The following LPP variants were observed in gnomAD, a reference collection of about 807,000 sequenced individuals.
LPP encodes LIM domain containing preferred translocation partner in lipoma, also known as lipoma-preferred partner.
A neutral mutation model predicts 60.4 loss-of-function variants in LPP; 38 were observed. The ratio of observed to expected loss-of-function variants is 0.63; its 90% CI spans 0.49 to 0.83. LPP has a LOEUF of 0.83. Among genes scored for constraint, LPP ranks in the 40% least tolerant of loss-of-function variants. The pLI is 0.00. For missense variants in LPP, 902 were observed against 783.6 expected, an observed-to-expected ratio of 1.15 and a Z score of -1.80; for synonymous variants, 328 against 290.8, an observed-to-expected ratio of 1.13 and a Z score of -1.30.
At chr3:188,792,907 G>C (rs1744214941) in intron 9 of LPP, among the ~76,000 whole-genome samples, 1 of 152,076 alleles carries the variant, frequency 6.6e-6, no homozygotes, top group African/African-American at 2.4e-5. Context: ...CTCCTCACTG[G>C]TTTGCGTGAA....
intron 4 of LPP, among the ~76,000 whole-genome samples, chr3:188,460,242 A>T (rs986173189): frequency 5.3e-5 from 8 of 152,158 alleles, no homozygotes; most frequent in African/African-American, 1.9e-4. Flanking sequence ...TGGAGTGCAG[A>T]TATCAAGACT....
intron 7 of LPP, among the ~76,000 whole-genome samples, chr3:188,694,702 AAAAAAAAAT>A (rs1862845542): frequency 6.6e-6 from 1 of 151,298 alleles, no homozygotes; most frequent in African/African-American, 2.5e-5. Flanking sequence ...CATCTCAAAA[AAAAAAAAAT>A]AAATAAAAAC....
intron 1 of LPP, among the ~76,000 whole-genome samples, chr3:188,221,161 C>G (rs1560123248): frequency 6.6e-6 from 1 of 152,178 alleles, no homozygotes; most frequent in Non-Finnish European, 1.5e-5. Flanking sequence ...TAGTCACTTT[C>G]TCTGAGAACA....
chr3:188,431,344 C>G (rs1198716531), intron 4 of LPP, among the ~76,000 whole-genome samples: 3 of 151,994 alleles, frequency 2.0e-5, no homozygotes, highest in African/African-American at 4.8e-5. Context: ...GGATGAAAGA[C>G]GTGTAGTTGA....
chr3:188,503,728 T>C lies in LPP; in HGVS notation c.306+19024T>C, dbSNP rs538657506. 8.4e-4 allele frequency among the ~76,000 whole-genome samples: 128 copies of C among 152,028 alleles called. 1 individual carries two copies. The highest frequency in any genetic ancestry group is 2.9e-3 in the African/African-American group (121 of 41,454). On this transcript the variant is annotated intron_variant, in intron 5 of 11. Transcript: ENST00000617246. ...CAGATGTAGGATTCGTGGTTGATAA[T>C]TTTTTTTCCTTTTAGCACTTTGAAT...
chr3:188,498,579 T>G (rs1368530015), intron 5 of LPP, among the ~76,000 whole-genome samples: 2 of 152,232 alleles, frequency 1.3e-5, no homozygotes, highest in Non-Finnish European at 2.9e-5. Flanking sequence ...TTGGGTTCTT[T>G]CCCCATTTTA....
At chr3:188,858,718 C>A (rs1764415023) in intron 9 of LPP, among the ~76,000 whole-genome samples, 1 of 152,120 alleles carries the variant, frequency 6.6e-6, no homozygotes, top group African/African-American at 2.4e-5. Flanking sequence ...CAAATACAAA[C>A]AGAAAATTTT....
intron 4 of LPP, among the ~76,000 whole-genome samples, chr3:188,463,497 C>A (rs561965696): frequency 6.6e-6 from 1 of 152,258 alleles, no homozygotes; most frequent in South Asian, 2.1e-4. Context: ...ATTATATCTG[C>A]GTGCACGGTT....
chr3:188,454,558 T>C (rs931581135), intron 4 of LPP, among the ~76,000 whole-genome samples: 4 of 152,136 alleles, frequency 2.6e-5, no homozygotes, highest in African/African-American at 9.7e-5. Context: ...GGATGAGCTA[T>C]GTATTAGTTC....
intron 4 of LPP, among the ~76,000 whole-genome samples, chr3:188,410,923 A>T (rs1032486343): frequency 6.6e-6 from 1 of 152,110 alleles, no homozygotes; most frequent in African/African-American, 2.4e-5. Context: ...CCATTATATC[A>T]TTCTTATGCC....
At chr3:188,721,712 C>G (rs116585531) in intron 8 of LPP, among the ~76,000 whole-genome samples, 1 of 152,188 alleles carries the variant, frequency 6.6e-6, no homozygotes, top group African/African-American at 2.4e-5. Flanking sequence ...GTGTATAAAG[C>G]ATAATTTTTT....
chr3:188,406,327 T>C lies in LPP; in HGVS notation c.193+14T>C. The C allele has an allele frequency of 6.2e-7, 1 of 1,608,566 alleles. No individual in the cohort carries two copies. The highest frequency in any genetic ancestry group is 8.5e-7 in the Non-Finnish European group (1 of 1,176,726). On this transcript the variant is annotated intron_variant, in intron 4 of 11. Coordinates refer to ENST00000617246, the MANE Select transcript of LPP (RefSeq NM_001375462.1). Reference sequence around the variant, plus strand: ...CTGGAGGTGAGGGTAAGTGCTGGGATTTCAGAGTTGGTTACTTGGAGTAGG... The same window carrying C: ...CTGGAGGTGAGGGTAAGTGCTGGGACTTCAGAGTTGGTTACTTGGAGTAGG...
chr3:188,701,944 CTTTTTTTTTTTT>C (rs35803152), intron 7 of LPP, among the ~76,000 whole-genome samples: 1 of 83,550 alleles, frequency 1.2e-5, no homozygotes, highest in African/African-American at 5.0e-5. Flanking sequence ...GTTTTTTTCC[CTTTTTTTTTTTT>C]TTTTTTTTTT....
rs1028295942 is a variant in LPP at position 188,251,911 on chromosome 3, C to G, written c.-67+26384C>G. On this transcript the variant is annotated intron_variant, in intron 2 of 11. Coordinates refer to ENST00000617246, the MANE Select transcript of LPP (RefSeq NM_001375462.1). ...GAATATGTAAAACATTAACATGCTT[C>G]CAGAAGCCAAAACTAAACCAAAAGA... 3.7e-4 allele frequency among the ~76,000 whole-genome samples: 56 copies of G among 150,594 alleles called. 1 individual carries two copies. Among genetic ancestry groups the G allele is most frequent in the Non-Finnish European group, 8.9e-5 (6 of 67,710 alleles).
At chr3:188,509,202 C>G (rs770945718) in intron 5 of LPP, among the ~76,000 whole-genome samples, 4 of 152,192 alleles carry the variant, frequency 2.6e-5, no homozygotes, top group Non-Finnish European at 4.4e-5. Flanking sequence ...CTGTAATCCT[C>G]TTTTATACAC....
In LPP at chr3:188,184,640, T is replaced by C. The variant is rs563950083; in HGVS notation, c.-190+30388T>C. Among the ~76,000 whole-genome samples, 291 of 150,424 alleles carry C rather than the reference T, an allele frequency of 1.9e-3. 1 individual carries two copies. Among genetic ancestry groups the C allele is most frequent in the African/African-American group, 6.3e-3 (257 of 40,940 alleles). On this transcript the variant is annotated intron_variant, in intron 1 of 11. Coordinates refer to ENST00000617246, the MANE Select transcript of LPP (RefSeq NM_001375462.1). The stretch of plus-strand genomic sequence containing the variant: ...CCTTGAGTAATAAGGAATTGAAGAG[T>C]GAGCCTCCTGGGCTTCTTTTTAAAG...
At position 188,882,211 on chromosome 3, in the gene LPP, G is replaced by A. The variant is rs1038552463; in HGVS notation, c.*7732G>A. 7 of 216,542 alleles carry A rather than the reference G, an allele frequency of 3.2e-5. No homozygotes were observed. The highest frequency in any genetic ancestry group is 4.6e-5 in the Non-Finnish European group (5 of 107,678). The allele number at this position is 216,542 out of a possible 1,614,324, so 13.4% of individuals were successfully genotyped here. ...AGACTTTATGGAGTACATAAAATTT[G>A]ATAAGAAATCTTGAGCTGATTCTTT... On this transcript the variant is annotated 3_prime_UTR_variant, in exon 12 of 12. Coordinates refer to ENST00000617246, the MANE Select transcript of LPP (RefSeq NM_001375462.1).
Position 188,609,827 on chromosome 3 carries a change from C to T in LPP, c.1096C>T (p.Pro366Ser), listed in dbSNP as rs138508731. 6.3e-4 allele frequency: 1,020 copies of T among 1,611,210 alleles called. No homozygotes were observed. Among genetic ancestry groups the T allele is most frequent in the South Asian group, 1.0e-3 (94 of 90,792 alleles). Residue 366 changes from proline to serine, a missense_variant, in exon 7 of 12, where the codon CCA becomes TCA. Pro to Ser is a moderately conservative substitution (Grantham distance 74). Transcript: ENST00000617246. This position sits in a 1 kb window ranked among gnomAD's most constrained non-coding sequence, Gnocchi z 6.9. ...AGATCCTGTTTCAGCCCCCTGTGCG[C>T]CACCATTGCAGCCAAAGGTAAGAAA... ...ITDPVSAPCA[P>S]PLQPKGGHSG... is the part of the protein sequence containing the mutation.
At chr3:188,553,017 T>C (rs917368251) in intron 6 of LPP, among the ~76,000 whole-genome samples, 18 of 152,140 alleles carry the variant, frequency 1.2e-4, no homozygotes, top group Non-Finnish European at 2.4e-4. Context: ...TCATAAAGTG[T>C]GTTTCGTGCT....
Sources: allele counts gnomAD v4.1 joint callset (sites outside exome capture counted in the v4.1 genomes callset), GRCh38; gene constraint gnomAD v4.1.1; non-coding constraint Gnocchi (gnomAD v3.1); transcripts MANE v1.5; gene names NCBI Gene and HGNC (gene_info 2026-07-23, HGNC 2026-07-21).